Variants in DEUP1 observed in about 807,000 individuals in gnomAD.
DEUP1 encodes deuterosome assembly protein 1.
A neutral mutation model predicts 87.4 loss-of-function variants in DEUP1; 82 were observed. The observed-to-expected ratio is 0.94, with a 90% confidence interval of 0.78 to 1.13. The LOEUF is 1.13. Ranked by LOEUF, DEUP1 falls within the 50% of genes most tolerant of loss-of-function variation. The probability of loss-of-function intolerance (pLI) is 0.00; values close to 1 mark genes in which losing one functional copy is unlikely to be tolerated. For synonymous variants in DEUP1, 214 were observed against 222.7 expected (o/e 0.96, Z 0.35); for missense variants, 663 against 681.5 (o/e 0.97, Z 0.30).
intron 3 of DEUP1, 136 bp from the exon 4 acceptor site, chr11:93,356,812 T>C: frequency 3.0e-6 from 2 of 661,452 alleles, no homozygotes. Context: ...ATAGCTATTT[T>C]AAGAAGTGCA....
At chr11:93,395,847 T>C (rs1032518177) in intron 10 of DEUP1, among the ~76,000 whole-genome samples, 1 of 152,212 alleles carries the variant, frequency 6.6e-6, no homozygotes, top group African/African-American at 2.4e-5. Flanking sequence ...ATGAAAGTTA[T>C]GTATTGCCTA....
chr11:93,427,618 G>A (rs1254773326), intron 13 of DEUP1, among the ~76,000 whole-genome samples: 9 of 150,534 alleles, frequency 6.0e-5, no homozygotes, highest in African/African-American at 2.2e-4. Flanking sequence ...AGCCAAAATT[G>A]ACAAATGGGA....
intron 4 of DEUP1, among the ~76,000 whole-genome samples, chr11:93,361,853 C>G (rs1370115430): frequency 2.0e-5 from 3 of 151,960 alleles, no homozygotes; most frequent in Non-Finnish European, 2.9e-5. Flanking sequence ...TAAAAAATGA[C>G]AAACTCACTT....
chr11:93,355,591 T>A (rs1944857402), intron 3 of DEUP1, 49 bp downstream of exon 3: 1 of 1,455,176 alleles, frequency 6.9e-7, no homozygotes, highest in African/African-American at 1.4e-5. Flanking sequence ...GACTGTTACA[T>A]ATAGTATTCT....
At chr11:93,419,617 C>A (rs1004065063) in intron 13 of DEUP1, among the ~76,000 whole-genome samples, 12 of 151,994 alleles carry the variant, frequency 7.9e-5, no homozygotes, top group Admixed American at 2.6e-4. Flanking sequence ...ATTTCCGTTT[C>A]CAGAGATGAA....
chr11:93,343,414 TTTA>T (rs944987473), intron 2 of DEUP1, among the ~76,000 whole-genome samples: 1 of 143,732 alleles, frequency 7.0e-6, no homozygotes, highest in African/African-American at 2.6e-5. Flanking sequence ...TCAACATTTG[TTTA>T]TTATTAATTG....
intron 11 of DEUP1, among the ~76,000 whole-genome samples, chr11:93,396,985 T>TC (rs59652277): frequency 0.26 from 38,742 of 151,922 alleles, 5,203 homozygotes; most frequent in Middle Eastern, 0.38. Flanking sequence ...AGAAAATTGA[T>TC]TTTATATGAG....
chr11:93,397,963 T>A (rs1387413415), intron 11 of DEUP1, among the ~76,000 whole-genome samples: 1 of 152,092 alleles, frequency 6.6e-6, no homozygotes, highest in Non-Finnish European at 1.5e-5. Flanking sequence ...TAAGGGCAAT[T>A]TTAGTGCAGT....
intron 13 of DEUP1, among the ~76,000 whole-genome samples, chr11:93,428,417 A>G (rs3020074): frequency 0.83 from 123,414 of 148,936 alleles, 51,237 homozygotes; most frequent in East Asian, 0.91. Flanking sequence ...GACACAGGAA[A>G]GGGAACATCA....
At position 93,396,156 on chromosome 11, in the gene DEUP1, T is replaced by C. The variant is rs184108566; in HGVS notation, c.1240-83T>C. On this transcript the variant is annotated intron_variant, in intron 10 of 13. Coordinates refer to ENST00000298050, the MANE Select transcript of DEUP1 (RefSeq NM_181645.4). ...TTCCCTTCATTACACTTAGAAAATA[T>C]TTGTATTCACAAGACAAAATTTTAA... 195 of 815,766 alleles carry C rather than the reference T, an allele frequency of 2.4e-4. 1 individual carries two copies. The Admixed American group carries it at 4.9e-3, about 21-fold the overall frequency. 50.5% of individuals were successfully genotyped at this position (815,766 alleles called of 1,614,324 possible).
intron 11 of DEUP1, among the ~76,000 whole-genome samples, chr11:93,399,215 G>GT (rs1360190388): frequency 6.0e-5 from 9 of 150,312 alleles, no homozygotes; most frequent in African/African-American, 7.3e-5. Context: ...TATAGCTTCA[G>GT]TTTTTTTTCA....
intron 4 of DEUP1, among the ~76,000 whole-genome samples, chr11:93,360,815 TATC>T (rs1430497294): frequency 1.4e-5 from 2 of 145,094 alleles, no homozygotes; most frequent in Non-Finnish European, 3.0e-5. Context: ...TTAAAATTTA[TATC>T]ATCAGAGAAC....
intron 2 of DEUP1, chr11:93,352,577 C>G: frequency 1.7e-6 from 1 of 596,330 alleles, no homozygotes. Flanking sequence ...CCATACCTGC[C>G]TGCCTTAGTT....
At chr11:93,374,696 G>A (rs1945943059) in intron 7 of DEUP1, among the ~76,000 whole-genome samples, 1 of 151,622 alleles carries the variant, frequency 6.6e-6, no homozygotes. Context: ...TATAGTATAG[G>A]GTATTTGGTA....
intron 7 of DEUP1, among the ~76,000 whole-genome samples, chr11:93,383,909 T>G (rs1029860825): frequency 6.6e-6 from 1 of 152,186 alleles, no homozygotes; most frequent in Non-Finnish European, 1.5e-5. Flanking sequence ...CAAAATCTGG[T>G]AGTTATGAGT....
chr11:93,409,794 A>G (rs1947385157), intron 12 of DEUP1, among the ~76,000 whole-genome samples: 1 of 152,238 alleles, frequency 6.6e-6, no homozygotes, highest in African/African-American at 2.4e-5. Context: ...CATAAGGATT[A>G]TAGGAGAAAA....
chr11:93,373,616 T>C (rs1397350904), intron 7 of DEUP1, among the ~76,000 whole-genome samples: 1 of 43,188 alleles, frequency 2.3e-5, no homozygotes, highest in Non-Finnish European at 7.1e-5. Flanking sequence ...TATATATGTA[T>C]ATATATACGT....
chr11:93,330,082 G>C (rs998201097), upstream of DEUP1: 4 of 152,220 alleles, frequency 2.6e-5, no homozygotes, highest in African/African-American at 9.6e-5. Context: ...CGCGCTTGAC[G>C]GGAAAGTCAG....
At chr11:93,332,893 C>T (rs1285782142) in intron 2 of DEUP1, among the ~76,000 whole-genome samples, 1 of 152,244 alleles carries the variant, frequency 6.6e-6, no homozygotes, top group Non-Finnish European at 1.5e-5. Context: ...CAACTGACCA[C>T]TGGCTGAACA....
Sources: allele counts gnomAD v4.1 joint callset (sites outside exome capture counted in the v4.1 genomes callset), GRCh38; gene constraint gnomAD v4.1.1; transcripts MANE v1.5; gene names NCBI Gene and HGNC (gene_info 2026-07-23, HGNC 2026-07-21).